The following TTC28 variants were observed in gnomAD, a reference collection of about 807,000 sequenced individuals.
TTC28 encodes tetratricopeptide repeat protein 28.
TTC28 carries 61 observed loss-of-function variants against 198.0 expected under a neutral mutation model. That is an observed-to-expected ratio of 0.31 (90% CI 0.25 to 0.38). The LOEUF is 0.38. Among genes scored for constraint, TTC28 ranks in the 10% least tolerant of loss-of-function variants. The pLI, the probability that TTC28 is intolerant of heterozygous loss-of-function variation, is 1.00. For synonymous variants in TTC28, 1,171 were observed against 1,297.8 expected (o/e 0.90, Z 2.10); for missense variants, 2,678 against 3,164.0 (o/e 0.85, Z 3.69).
intron 8 of TTC28, 127 bp downstream of exon 8, chr22:28,105,152 C>T: frequency 1.0e-6 from 1 of 998,762 alleles, no homozygotes. Context: ...ACAATGTGGC[C>T]TCTGAGACCC....
chr22:28,351,571 C>CA (rs2045996740), intron 2 of TTC28, among the ~76,000 whole-genome samples: 1 of 152,096 alleles, frequency 6.6e-6, no homozygotes, highest in Non-Finnish European at 1.5e-5. Flanking sequence ...CCAAATACTA[C>CA]ATGCTGAATA....
chr22:28,100,126 C>T (rs1942100753), intron 9 of TTC28, among the ~76,000 whole-genome samples: 1 of 152,176 alleles, frequency 6.6e-6, no homozygotes, highest in Non-Finnish European at 1.5e-5. Flanking sequence ...ATGCTGGAAA[C>T]TCAGTATCAA....
At chr22:28,220,369 C>T (rs1359313334) in intron 5 of TTC28, among the ~76,000 whole-genome samples, 2 of 152,204 alleles carry the variant, frequency 1.3e-5, no homozygotes, top group Admixed American at 1.3e-4. Context: ...CCAGGCATAG[C>T]TTCACTGGGT....
intron 6 of TTC28, among the ~76,000 whole-genome samples, chr22:28,130,528 T>C (rs1000170622): frequency 5.9e-5 from 9 of 152,274 alleles, no homozygotes; most frequent in Non-Finnish European, 1.0e-4. Context: ...TTTTGTTTTA[T>C]ACATATGTAT....
intron 13 of TTC28, among the ~76,000 whole-genome samples, chr22:28,023,978 C>T (rs577673010): frequency 2.0e-5 from 3 of 152,294 alleles, no homozygotes; most frequent in African/African-American, 4.8e-5. Flanking sequence ...AATCAGCAGA[C>T]GCGCACTGCT....
At chr22:28,371,344 T>C (rs1223821862) in intron 2 of TTC28, among the ~76,000 whole-genome samples, 1 of 131,654 alleles carries the variant, frequency 7.6e-6, no homozygotes, top group African/African-American at 2.9e-5. Context: ...ACCCCAGTAC[T>C]ACCAAAAAAA....
chr22:28,251,367 T>G (rs1020194413), intron 5 of TTC28, among the ~76,000 whole-genome samples: 1 of 152,180 alleles, frequency 6.6e-6, no homozygotes. Context: ...TTATTTATTA[T>G]CTATGGCTGT....
chr22:28,111,038 G>C (rs1942466691), intron 6 of TTC28, among the ~76,000 whole-genome samples: 1 of 151,858 alleles, frequency 6.6e-6, no homozygotes, highest in South Asian at 2.1e-4. Flanking sequence ...GCATACTTTA[G>C]TAGCATTGTG....
Position 27,982,285 on chromosome 22 carries a change from A to G in TTC28, c.7382T>C (p.Leu2461Pro). The change falls in exon 23 of 23, where the codon CTT (leucine) becomes CCT (proline). Residue 2461 changes from leucine to proline, a missense_variant. Physicochemically the swap from Leu to Pro is moderately conservative, Grantham distance 98. Transcript: ENST00000397906. This position sits in a 1 kb window ranked among gnomAD's most constrained non-coding sequence, Gnocchi z 5.2. ...GAACTTGTAGCCATTTCCAGAAGGA[A>G]GCCTCAAAGGGCGCGCGGGGGCTGT... ...PATAPARPLR[L>P]PSGNGYKFLS... 1.4e-6 allele frequency: 2 copies of G among 1,480,284 alleles called. No individual in the cohort carries two copies. The highest frequency in any genetic ancestry group is 1.4e-5 in the South Asian group (1 of 71,740). The allele number at this position is 1,480,284 out of a possible 1,614,324, so 91.7% of individuals were successfully genotyped here. A position where few individuals can be genotyped will look rare whatever the true frequency, so the allele number is the denominator to read the frequency against.
chr22:28,459,656 C>T (rs562248566), intron 2 of TTC28, among the ~76,000 whole-genome samples: 59 of 152,180 alleles, frequency 3.9e-4, no homozygotes, highest in Non-Finnish European at 7.3e-4. Context: ...TCCACATTAA[C>T]AATGCAGCTA....
chr22:28,574,583 T>G (rs1411500805), intron 2 of TTC28, among the ~76,000 whole-genome samples: 1 of 152,190 alleles, frequency 6.6e-6, no homozygotes, highest in Admixed American at 6.6e-5. Flanking sequence ...TATTTTTAGC[T>G]TTTTGAGGAA....
chr22:28,539,628 A>G (rs916278076), intron 2 of TTC28, among the ~76,000 whole-genome samples: 3 of 151,220 alleles, frequency 2.0e-5, no homozygotes, highest in African/African-American at 7.3e-5. Context: ...AGAGTGAGAC[A>G]CTGTCTCAAA....
chr22:28,536,218 A>C (rs1174117536), intron 2 of TTC28, among the ~76,000 whole-genome samples: 2 of 148,834 alleles, frequency 1.3e-5, no homozygotes, highest in Admixed American at 6.7e-5. Flanking sequence ...AAAAAAAAAA[A>C]AACATAAAAA....
chr22:28,302,902 G>A (rs556279157), intron 3 of TTC28, among the ~76,000 whole-genome samples: 2 of 152,212 alleles, frequency 1.3e-5, no homozygotes, highest in African/African-American at 4.8e-5. Context: ...GAATCAGAGG[G>A]AATGAGCCCA....
At chr22:28,056,666 A>G (rs1940303552) in intron 12 of TTC28, among the ~76,000 whole-genome samples, 1 of 152,200 alleles carries the variant, frequency 6.6e-6, no homozygotes, top group African/African-American at 2.4e-5. Context: ...TAACTACATA[A>G]AATGAATTGC....
At chr22:28,009,541 T>C (rs577854445) in intron 14 of TTC28, among the ~76,000 whole-genome samples, 2 of 152,210 alleles carry the variant, frequency 1.3e-5, no homozygotes, top group African/African-American at 4.8e-5. Context: ...CGTGGGTGCT[T>C]GCAGCCAGAA....
chr22:28,656,256 G>A (rs568798821), intron 1 of TTC28, among the ~76,000 whole-genome samples: 1 of 152,300 alleles, frequency 6.6e-6, no homozygotes, highest in Admixed American at 6.5e-5. Flanking sequence ...TCTAAAGGAA[G>A]CTTGATAAAA....
intron 2 of TTC28, among the ~76,000 whole-genome samples, chr22:28,394,844 A>G (rs1045531519): frequency 5.9e-5 from 9 of 152,148 alleles, no homozygotes; most frequent in African/African-American, 2.2e-4. Flanking sequence ...TATTGTCCCC[A>G]GTTGCTTGAT....
chr22:28,264,554 G>A (rs960107948), intron 5 of TTC28, among the ~76,000 whole-genome samples: 1 of 152,180 alleles, frequency 6.6e-6, no homozygotes, highest in South Asian at 2.1e-4. Flanking sequence ...ATTTGGAAGA[G>A]AGAGATACAT....
Sources: allele counts gnomAD v4.1 joint callset (sites outside exome capture counted in the v4.1 genomes callset), GRCh38; gene constraint gnomAD v4.1.1; non-coding constraint Gnocchi (gnomAD v3.1); transcripts MANE v1.5; gene names NCBI Gene and HGNC (gene_info 2026-07-23, HGNC 2026-07-21).